The following NOL4 variants were observed in gnomAD, a reference collection of about 807,000 sequenced individuals.
NOL4 encodes nucleolar protein 4, also known as cancer/testis antigen 125.
Under a neutral mutation model 75.9 loss-of-function variants are expected in NOL4, and 17 were observed. That is an observed-to-expected ratio of 0.22 (90% CI 0.15 to 0.34). The LOEUF is 0.34. NOL4 is among the 10% of genes least tolerant of loss of function. The pLI, the probability that NOL4 is intolerant of heterozygous loss-of-function variation, is 1.00. For synonymous variants in NOL4, 292 were observed against 289.9 expected (o/e 1.01, Z -0.07); for missense variants, 614 against 793.5 (o/e 0.77, Z 2.72).
intron 8 of NOL4, among the ~76,000 whole-genome samples, chr18:33,948,850 T>C (rs1295349064): frequency 2.0e-5 from 3 of 152,048 alleles, no homozygotes; most frequent in Admixed American, 6.6e-5. Flanking sequence ...GCCTAGCACA[T>C]AGGTTATAAC....
intron 1 of NOL4, among the ~76,000 whole-genome samples, chr18:34,211,707 CTA>C (rs2036527503): frequency 6.6e-6 from 1 of 152,150 alleles, no homozygotes; most frequent in Non-Finnish European, 1.5e-5. Context: ...GTGAGAATAA[CTA>C]TCACAAATGA....
chr18:33,984,615 C>G (rs1400946554), intron 6 of NOL4, among the ~76,000 whole-genome samples: 1 of 152,086 alleles, frequency 6.6e-6, no homozygotes, highest in Non-Finnish European at 1.5e-5. Flanking sequence ...TGCTCCTGCT[C>G]TGGCCATGTA....
chr18:33,944,144 A>T (rs2068682786), intron 8 of NOL4, among the ~76,000 whole-genome samples: 1 of 151,982 alleles, frequency 6.6e-6, no homozygotes, highest in Non-Finnish European at 1.5e-5. Flanking sequence ...TTGGGAATAT[A>T]GCATATACAG....
chr18:33,928,025 G>A (rs1201701280), intron 9 of NOL4, among the ~76,000 whole-genome samples: 1 of 152,164 alleles, frequency 6.6e-6, no homozygotes, highest in Admixed American at 6.5e-5. Context: ...GGGTTTTAAA[G>A]TGGACAGATT....
chr18:33,988,556 T>G (rs940008145), intron 6 of NOL4, among the ~76,000 whole-genome samples: 10 of 152,012 alleles, frequency 6.6e-5, no homozygotes, highest in Non-Finnish European at 1.0e-4. Flanking sequence ...TGTGGACTCT[T>G]GAAACACAAA....
intron 1 of NOL4, among the ~76,000 whole-genome samples, chr18:34,183,345 C>A (rs866215135): frequency 1.6e-4 from 25 of 151,884 alleles, no homozygotes; most frequent in Non-Finnish European, 3.2e-4. Flanking sequence ...TTCAAGATAT[C>A]ACTATACACT....
At chr18:34,124,153 C>A (rs2080278782) in intron 2 of NOL4, among the ~76,000 whole-genome samples, 1 of 152,036 alleles carries the variant, frequency 6.6e-6, no homozygotes, top group Non-Finnish European at 1.5e-5. Context: ...TGTTATTTTG[C>A]CTTAATTTTC....
intron 9 of NOL4, among the ~76,000 whole-genome samples, chr18:33,895,399 C>CA (rs1349078376): frequency 3.9e-5 from 6 of 151,936 alleles, no homozygotes; most frequent in African/African-American, 1.4e-4. Flanking sequence ...AGTTATTAAC[C>CA]AAAAAACTCC....
At chr18:34,186,634 T>G (rs2034480313) in intron 1 of NOL4, among the ~76,000 whole-genome samples, 1 of 152,206 alleles carries the variant, frequency 6.6e-6, no homozygotes, top group South Asian at 2.1e-4. Context: ...CCTGCTAAAA[T>G]TTTTGCTACT....
chr18:34,183,927 A>G (rs913937008), intron 1 of NOL4, among the ~76,000 whole-genome samples: 13 of 152,000 alleles, frequency 8.6e-5, no homozygotes, highest in Non-Finnish European at 1.6e-4. Context: ...ACTGTATATA[A>G]CAAAGAGAAT....
chr18:33,877,166 G>T (rs1217846283), intron 10 of NOL4, among the ~76,000 whole-genome samples: 1 of 151,972 alleles, frequency 6.6e-6, no homozygotes, highest in Non-Finnish European at 1.5e-5. Context: ...TACACAGACA[G>T]CCTGAAGTGT....
At chr18:34,139,316 T>C (rs1222049048) in intron 1 of NOL4, among the ~76,000 whole-genome samples, 2 of 152,214 alleles carry the variant, frequency 1.3e-5, no homozygotes, top group Non-Finnish European at 1.5e-5. Flanking sequence ...CTGGACTTTT[T>C]TTGGTTGGTA....
In NOL4 at chr18:34,074,220, T is replaced by C. The variant is rs552999983; in HGVS notation, c.772+19245A>G. ...TTGGATTTTTCAATATTCATATTTT[T>C]TAATATTACATATTAATATCTGAGA... On this transcript the variant is annotated intron_variant, in intron 5 of 10. Coordinates refer to ENST00000261592, the MANE Select transcript of NOL4 (RefSeq NM_003787.5). 4.6e-5 allele frequency among the ~76,000 whole-genome samples: 7 copies of C among 151,902 alleles called. No homozygotes were observed. In the East Asian group the frequency reaches 7.7e-4, roughly 17 times the overall value.
In NOL4 at chr18:34,204,688, C is replaced by A. The variant is rs940248942; in HGVS notation, c.264+18302G>T. ...ATTGTTTCATAGATAAATGAATAAA[C>A]CCTAAGACATCTTTCCATTATCTTT... On this transcript the variant is annotated intron_variant, in intron 1 of 10. Coordinates refer to ENST00000261592, the MANE Select transcript of NOL4 (RefSeq NM_003787.5). Among the ~76,000 whole-genome samples, 17 of 152,178 alleles carry A rather than the reference C, an allele frequency of 1.1e-4. No individual in the cohort carries two copies. The East Asian group carries it at 3.3e-3, about 29-fold the overall frequency.
At chr18:34,013,177 T>A (rs2074475074) in intron 6 of NOL4, among the ~76,000 whole-genome samples, 1 of 151,972 alleles carries the variant, frequency 6.6e-6, no homozygotes, top group African/African-American at 2.4e-5. Context: ...TATCCCAATA[T>A]CAAAACTGAT....
At chr18:34,153,471 A>C (rs2146104741) in intron 1 of NOL4, among the ~76,000 whole-genome samples, 1 of 152,158 alleles carries the variant, frequency 6.6e-6, no homozygotes, top group East Asian at 1.9e-4. Flanking sequence ...TAACTCCTTT[A>C]GTGTTCATAA....
At chr18:34,147,914 G>T (rs1468858106) in intron 1 of NOL4, among the ~76,000 whole-genome samples, 1 of 151,854 alleles carries the variant, frequency 6.6e-6, no homozygotes, top group Non-Finnish European at 1.5e-5. Context: ...GTCTACTCAG[G>T]GATTCAACTT....
At chr18:33,954,857 G>A (rs2069527325) in intron 8 of NOL4, among the ~76,000 whole-genome samples, 1 of 152,028 alleles carries the variant, frequency 6.6e-6, no homozygotes, top group Non-Finnish European at 1.5e-5. Context: ...GATCCCTGAA[G>A]TGGAAAAGGT....
At chr18:33,928,220 C>T (rs1028230911) in intron 9 of NOL4, among the ~76,000 whole-genome samples, 1 of 152,046 alleles carries the variant, frequency 6.6e-6, no homozygotes, top group East Asian at 1.9e-4. Context: ...ATATGTTTCC[C>T]TGTCTTTGGC....
Sources: gnomAD v4.1 joint callset for allele counts (sites outside exome capture counted in the v4.1 genomes callset) on GRCh38, gnomAD v4.1.1 for gene constraint, MANE v1.5 for transcripts, NCBI Gene and HGNC (gene_info 2026-07-23, HGNC 2026-07-21) for gene names.